CHID1: variants seen among roughly 807,000 people sequenced by gnomAD.
CHID1 encodes the protein chitinase domain containing 1, also known as chitinase domain-containing protein 1.
Under a neutral mutation model 55.4 loss-of-function variants are expected in CHID1, and 44 were observed. The ratio of observed to expected loss-of-function variants is 0.79; its 90% CI spans 0.62 to 1.02. The LOEUF (loss-of-function observed/expected upper bound fraction) is 1.02, where lower values mean the gene tolerates loss of function less well. Among genes scored for constraint, CHID1 ranks in the 50% least tolerant of loss-of-function variants. CHID1 has a pLI of 0.00. For synonymous variants in CHID1, 216 were observed against 212.9 expected (o/e 1.01, Z -0.13); for missense variants, 491 against 515.3 (o/e 0.95, Z 0.46).
chr11:895,126 G>A (rs1851165886), intron 7 of CHID1, among the ~76,000 whole-genome samples: 1 of 152,192 alleles, frequency 6.6e-6, no homozygotes, highest in African/African-American at 2.4e-5. Context: ...AAACACCAGA[G>A]CAAAGTGAGC....
chr11:879,921 G>A (rs117024494), intron 10 of CHID1, among the ~76,000 whole-genome samples: 4,996 of 152,332 alleles, frequency 0.033, 111 homozygotes, highest in Non-Finnish European at 0.049. Flanking sequence ...TGGTAAGGTG[G>A]GGGACATGAG....
At chr11:902,468 C>T in intron 3 of CHID1, 138 bp from the exon 4 acceptor site, 1 of 925,814 alleles carries the variant, frequency 1.1e-6, no homozygotes, top group South Asian at 1.6e-5. Flanking sequence ...GACATCAGCT[C>T]CTGGCCTGGG....
intron 2 of CHID1, among the ~76,000 whole-genome samples, chr11:904,043 G>GA (rs1189874422): frequency 6.6e-6 from 1 of 152,190 alleles, no homozygotes; most frequent in Non-Finnish European, 1.5e-5. Flanking sequence ...TCTGCTCCTG[G>GA]AAACCTTCCA....
chr11:878,920 C>T (rs1849701608), intron 10 of CHID1, among the ~76,000 whole-genome samples: 1 of 152,052 alleles, frequency 6.6e-6, no homozygotes, highest in African/African-American at 2.4e-5. Flanking sequence ...GATCTGGGCT[C>T]ACTGCAACCT....
At chr11:876,313 T>C (rs1233248087) in intron 10 of CHID1, among the ~76,000 whole-genome samples, 2 of 151,920 alleles carry the variant, frequency 1.3e-5, no homozygotes, top group African/African-American at 2.4e-5. Flanking sequence ...GTGTCCAGAG[T>C]GGATGACACC....
At chr11:884,304 G>A in intron 8 of CHID1, 135 bp from the exon 9 acceptor site, 2 of 643,300 alleles carry the variant, frequency 3.1e-6, no homozygotes, top group South Asian at 3.8e-5. Flanking sequence ...TCTGGGGTGG[G>A]GACAGCCTGC....
chr11:899,348 C>T lies in CHID1; in HGVS notation c.600G>A (p.Gln200=), dbSNP rs770779956. 11 of 1,602,756 alleles carry T rather than the reference C, an allele frequency of 6.9e-6. No individual in the cohort carries two copies. The East Asian group carries it at 2.5e-4, about 36-fold the overall frequency. The part of the protein sequence containing the change: ...VVEVWNQLLS[Q]KRVGLIHMLT... ...CACCTGTGCCCACTCACACGCGCTTCTGGCTTAGCAGCTGGTTCCAGACCT... is the reference window on the plus strand; with the variant it reads ...CACCTGTGCCCACTCACACGCGCTTTTGGCTTAGCAGCTGGTTCCAGACCT... The change falls in exon 7 of 13, where the codon CAG becomes CAA. Residue 200 remains glutamine, a synonymous_variant. Coordinates refer to ENST00000323578, the MANE Select transcript of CHID1 (RefSeq NM_023947.4).
At chr11:903,144 TC>T in intron 2 of CHID1, 33 bp from the exon 3 acceptor site, 1 of 1,599,310 alleles carries the variant, frequency 6.3e-7, no homozygotes, top group Non-Finnish European at 8.5e-7. Context: ...AAAGCCTCAG[TC>T]ATCTGTCCAC....
chr11:872,108 G>T (rs28471986), intron 10 of CHID1, among the ~76,000 whole-genome samples: 150,875 of 152,174 alleles, frequency 0.99, 74,811 homozygotes, highest in Middle Eastern at 1. Flanking sequence ...GGCAGGGAGG[G>T]TGGGAAACAG....
rs1473039641 is a variant in CHID1 at position 869,594 on chromosome 11, C to T, written c.*264G>A. 1.8e-6 allele frequency: 1 copy of T among 567,432 alleles called. No homozygotes were observed. The highest frequency in any genetic ancestry group is 3.2e-6 in the Non-Finnish European group (1 of 317,068). 35.1% of individuals were successfully genotyped at this position (567,432 alleles called of 1,614,324 possible). On this transcript the variant is annotated 3_prime_UTR_variant, in exon 13 of 13. Transcript: ENST00000323578. Reference sequence around the variant, plus strand: ...GTCCTGGTGGGGCAGGTACTGTGGGCCCCGCCTGCCCAGCTGACAGGAGGC... The same window carrying T: ...GTCCTGGTGGGGCAGGTACTGTGGGTCCCGCCTGCCCAGCTGACAGGAGGC...
In CHID1 at chr11:869,973, G is replaced by A. The variant is rs745897578; in HGVS notation, c.1084-17C>T. ...CTGCAGGGACTGGGCACAGATGGAG[G>A]TGTGAGCACCTGCTGGGGCCTGTCC... On this transcript the variant is annotated splice_polypyrimidine_tract_variant and intron_variant, in intron 12 of 12. Transcript: ENST00000323578. 1 of 1,611,950 alleles carries A rather than the reference G, an allele frequency of 6.2e-7. No individual in the cohort carries two copies. Among genetic ancestry groups the A allele is most frequent in the African/African-American group, 1.3e-5 (1 of 75,034 alleles).
At chr11:877,224 C>A (rs1849579360) in intron 10 of CHID1, among the ~76,000 whole-genome samples, 1 of 152,136 alleles carries the variant, frequency 6.6e-6, no homozygotes. Context: ...CTAGCCAATT[C>A]TCAGAACAAT....
At chr11:913,367 T>TA (rs1254936982), upstream of CHID1, among the ~76,000 whole-genome samples, 2 of 152,158 alleles carry the variant, frequency 1.3e-5, no homozygotes, top group African/African-American at 4.8e-5. Context: ...TCAGACAACC[T>TA]AAAGCACGCA....
At chr11:872,835 C>A (rs1849264524) in intron 10 of CHID1, among the ~76,000 whole-genome samples, 1 of 152,200 alleles carries the variant, frequency 6.6e-6, no homozygotes, top group African/African-American at 2.4e-5. Flanking sequence ...GAGCTCTGGC[C>A]ACGCCACACA....
In CHID1 at chr11:875,312, A is replaced by C. The variant is rs1849435919; in HGVS notation, c.960-4813T>G. On this transcript the variant is annotated intron_variant, in intron 10 of 12. Coordinates refer to ENST00000323578, the MANE Select transcript of CHID1 (RefSeq NM_023947.4). This position sits in a 1 kb window ranked among gnomAD's most constrained non-coding sequence, Gnocchi z 4.7. ...CCTTCTTCGGGGCTGTCCTGTCTGA[A>C]ATGTGGGATCCAGCCATGTCCTGAC... 6.6e-6 allele frequency among the ~76,000 whole-genome samples: 1 copy of C among 152,158 alleles called. No homozygotes were observed. Among genetic ancestry groups the C allele is most frequent in the African/African-American group, 2.4e-5 (1 of 41,438 alleles).
chr11:906,617 CG>C (rs1363180917), intron 1 of CHID1, among the ~76,000 whole-genome samples: 1 of 152,074 alleles, frequency 6.6e-6, no homozygotes, highest in Non-Finnish European at 1.5e-5. Flanking sequence ...CGTGGTGTGC[CG>C]GTCAATGAAG....
chr11:903,251 T>C (rs1589896552), intron 2 of CHID1, 140 bp from the exon 3 acceptor site: 2 of 829,396 alleles, frequency 2.4e-6, no homozygotes, highest in East Asian at 2.6e-5. Context: ...GGAGACCCTG[T>C]ATGTTGAGGA....
intron 6 of CHID1, 57 bp downstream of exon 6, chr11:899,947 G>C: frequency 7.4e-7 from 1 of 1,348,284 alleles, no homozygotes; most frequent in Non-Finnish European, 1.1e-6. Context: ...CCAGCCAGAC[G>C]GCCAGGTGGG....
chr11:880,443 A>C (rs912774448), intron 10 of CHID1, among the ~76,000 whole-genome samples: 2 of 152,186 alleles, frequency 1.3e-5, no homozygotes, highest in Non-Finnish European at 2.9e-5. Context: ...GTGTGGACAG[A>C]GAGGAGTGTG....
Sources: gnomAD v4.1 joint callset for allele counts (sites outside exome capture counted in the v4.1 genomes callset) on GRCh38, gnomAD v4.1.1 for gene constraint, Gnocchi (gnomAD v3.1) non-coding constraint, MANE v1.5 for transcripts, NCBI Gene and HGNC (gene_info 2026-07-23, HGNC 2026-07-21) for gene names.